Variants in GJB7 observed in about 807,000 individuals in gnomAD.
GJB7 encodes gap junction beta-7 protein.
For missense variants in GJB7, 253 were observed against 256.8 expected (o/e 0.99, Z 0.10); for synonymous variants, 87 against 95.2 (o/e 0.91, Z 0.50).
At chr6:87,287,150 A>G (rs1776074719) in intron 2 of GJB7, among the ~76,000 whole-genome samples, 1 of 152,254 alleles carries the variant, frequency 6.6e-6, no homozygotes, top group Admixed American at 6.5e-5. Flanking sequence ...CCACTGCTTT[A>G]ACTTTCTACC....
chr6:87,317,081 G>A (rs550924974), intron 2 of GJB7, among the ~76,000 whole-genome samples: 11 of 152,126 alleles, frequency 7.2e-5, no homozygotes, highest in African/African-American at 2.2e-4. Context: ...CTGGCTGGGC[G>A]TGGTGGCTCA....
intron 2 of GJB7, among the ~76,000 whole-genome samples, chr6:87,298,002 A>T (rs544610136): frequency 6.6e-6 from 1 of 151,998 alleles, no homozygotes; most frequent in East Asian, 1.9e-4. Flanking sequence ...AGAATTAAAG[A>T]GGTTTGATCA....
rs148455515 is a variant in GJB7, at chr6:87,306,961, G to A, written c.-28+15905C>T. 4.0e-3 allele frequency among the ~76,000 whole-genome samples: 611 copies of A among 152,160 alleles called. 1 individual carries two copies. Among genetic ancestry groups the A allele is most frequent in the African/African-American group, 0.014 (581 of 41,484 alleles). ...ACGCTGCATATTCTCACTCATAGGT[G>A]GGAATTGAACAATGGGAACACATGG... On this transcript the variant is annotated intron_variant, in intron 2 of 2. Coordinates refer to ENST00000525899, the MANE Select transcript of GJB7 (RefSeq NM_198568.3).
rs186269124 is a variant in GJB7, at chr6:87,299,736, G to A, written c.-27-14797C>T. 2.7e-4 allele frequency: 42 copies of A among 157,840 alleles called. No homozygotes were observed. The East Asian group carries it at 7.4e-3, about 28-fold the overall frequency. The allele number at this position is 157,840 out of a possible 1,614,324, so 9.8% of individuals were successfully genotyped here. Reference sequence around the variant, plus strand: ...GTGGTCTGGTGTTTAGTGAAGAGGGGTTAGCCCTAAATTTTGAAGCTATTT... The same window carrying A: ...GTGGTCTGGTGTTTAGTGAAGAGGGATTAGCCCTAAATTTTGAAGCTATTT... On this transcript the variant is annotated intron_variant, in intron 2 of 2. Coordinates refer to ENST00000525899, the MANE Select transcript of GJB7 (RefSeq NM_198568.3).
In GJB7 at chr6:87,284,343, A is replaced by C. The variant is rs1378351184; in HGVS notation, c.570T>G (p.Cys190Trp). 3.1e-6 allele frequency: 5 copies of C among 1,613,950 alleles called. No homozygotes were observed. The highest frequency in any genetic ancestry group is 1.3e-5 in the African/African-American group (1 of 74,918). The change falls in exon 3 of 3, where the codon TGT becomes TGG. Residue 190 changes from cysteine (C) to tryptophan (W), a missense_variant. Physicochemically the swap from Cys to Trp is radical, Grantham distance 215. Transcript: ENST00000525899. ...ILFLVITSCL[C>W]IVLNFIELSF... The stretch of plus-strand genomic sequence containing the variant: ...TCAGTTCAATGAAATTCAACACAAT[A>C]CACAAGCATGAGGTGATGACCAAGA...
chr6:87,314,439 C>G (rs1217087830), intron 2 of GJB7, among the ~76,000 whole-genome samples: 1 of 152,118 alleles, frequency 6.6e-6, no homozygotes, highest in East Asian at 1.9e-4. Context: ...GTTTTTATTT[C>G]AGTTATGGGA....
intron 2 of GJB7, among the ~76,000 whole-genome samples, chr6:87,321,922 G>A (rs531144795): frequency 1.4e-4 from 21 of 152,222 alleles, no homozygotes; most frequent in Admixed American, 8.5e-4. Flanking sequence ...CTCCATCATG[G>A]GAATGGCAAG....
chr6:87,327,897 A>G (rs1428902795), intron 1 of GJB7, among the ~76,000 whole-genome samples: 2 of 149,998 alleles, frequency 1.3e-5, no homozygotes, highest in South Asian at 2.1e-4. Flanking sequence ...TACACCAATC[A>G]GACGTAGATT....
At chr6:87,316,881 T>C (rs942025281) in intron 2 of GJB7, among the ~76,000 whole-genome samples, 2 of 152,190 alleles carry the variant, frequency 1.3e-5, no homozygotes, top group Non-Finnish European at 2.9e-5. Context: ...GCTTTGAGGT[T>C]TGTGTTCATT....
At chr6:87,323,449 A>G (rs760623897) in intron 1 of GJB7, among the ~76,000 whole-genome samples, 42 of 111,692 alleles carry the variant, frequency 3.8e-4, no homozygotes, top group Admixed American at 6.4e-4. Context: ...AACAGACCTC[A>G]GAGTGTGATG....
intron 2 of GJB7, among the ~76,000 whole-genome samples, chr6:87,287,678 A>C (rs1242824736): frequency 6.6e-6 from 1 of 152,188 alleles, no homozygotes; most frequent in African/African-American, 2.4e-5. Context: ...TATGACATGT[A>C]TCATTGGGCG....
At chr6:87,298,643 G>T (rs1776278964) in intron 2 of GJB7, 2 of 158,002 alleles carry the variant, frequency 1.3e-5, no homozygotes, top group Admixed American at 1.3e-4. Context: ...TATCTAGAAA[G>T]AACTAACTTC....
intron 2 of GJB7, among the ~76,000 whole-genome samples, chr6:87,293,101 G>T (rs1348579509): frequency 2.0e-5 from 3 of 152,184 alleles, no homozygotes; most frequent in Non-Finnish European, 4.4e-5. Flanking sequence ...GCGCGATCTT[G>T]GCTCACTGCA....
intron 2 of GJB7, among the ~76,000 whole-genome samples, chr6:87,285,301 C>A (rs898409210): frequency 6.6e-6 from 1 of 152,158 alleles, no homozygotes; most frequent in Non-Finnish European, 1.5e-5. Flanking sequence ...ACATGAATAT[C>A]AAGGTGATCC....
chr6:87,292,659 T>G (rs767398528), intron 2 of GJB7, among the ~76,000 whole-genome samples: 3 of 152,192 alleles, frequency 2.0e-5, no homozygotes, highest in African/African-American at 7.2e-5. Flanking sequence ...ATTAAAGATA[T>G]GTAGAAATGA....
chr6:87,306,938 G>A (rs375792167), intron 2 of GJB7, among the ~76,000 whole-genome samples: 2 of 151,980 alleles, frequency 1.3e-5, no homozygotes, highest in East Asian at 1.9e-4. Flanking sequence ...GAAACCAAAC[G>A]CTGCATATTC....
intron 2 of GJB7, among the ~76,000 whole-genome samples, chr6:87,304,873 A>G (rs1776398195): frequency 6.6e-6 from 1 of 152,238 alleles, no homozygotes; most frequent in African/African-American, 2.4e-5. Flanking sequence ...GGTTCAACAT[A>G]TGCAAATCAA....
Position 87,309,415 on chromosome 6 carries a change from TC to T in GJB7, c.-28+13450del, listed in dbSNP as rs1325366832. Among the ~76,000 whole-genome samples the T allele has an allele frequency of 2.0e-5, 3 of 152,266 alleles. No homozygotes were observed. The East Asian group carries it at 5.8e-4, about 29-fold the overall frequency. The stretch of plus-strand genomic sequence containing the variant: ...TGCCTGACTGCCTGCATCGTGGACT[TC>T]CCACTCCAGCATCACACATGGAGAC... On this transcript the variant is annotated intron_variant, in intron 2 of 2. Coordinates refer to ENST00000525899, the MANE Select transcript of GJB7 (RefSeq NM_198568.3).
At position 87,322,941 on chromosome 6, in the gene GJB7, T is replaced by C. The variant is rs1473657007; in HGVS notation, c.-103A>G. 1 of 152,234 alleles carries C rather than the reference T, an allele frequency of 6.6e-6. No homozygotes were observed. Among genetic ancestry groups the C allele is most frequent in the Non-Finnish European group, 1.5e-5 (1 of 68,116 alleles). The allele number at this position is 152,234 out of a possible 1,614,324, so 9.4% of individuals were successfully genotyped here. On this transcript the variant is annotated 5_prime_UTR_variant, in exon 2 of 3. Transcript: ENST00000525899. ...GAGAACTCTCTCGTTTCCTGCAGTT[T>C]CTTAGTGTCTTGGCTCACCAGACTC...
Sources: allele counts gnomAD v4.1 joint callset (sites outside exome capture counted in the v4.1 genomes callset), GRCh38; gene constraint gnomAD v4.1.1; transcripts MANE v1.5; gene names NCBI Gene and HGNC (gene_info 2026-07-23, HGNC 2026-07-21).